MAP4: variants seen among roughly 807,000 people sequenced by gnomAD.
MAP4 encodes microtubule associated protein 4.
Under a neutral mutation model 170.2 loss-of-function variants are expected in MAP4, and 76 were observed. That is an observed-to-expected ratio of 0.45 (90% CI 0.37 to 0.54). The LOEUF (loss-of-function observed/expected upper bound fraction) is 0.54. Ranked by LOEUF, MAP4 falls within the 20% of genes least tolerant of loss-of-function variation. The probability of loss-of-function intolerance (pLI) is 0.00; values close to 1 mark genes in which losing one functional copy is unlikely to be tolerated. For synonymous variants in MAP4, 909 were observed against 994.5 expected (o/e 0.91, Z 1.62); for missense variants, 2,506 against 2,748.0 (o/e 0.91, Z 1.97).
rs548681084 is a variant in MAP4 at position 48,084,386 on chromosome 3, TA to T, written c.-20+4386del. On this transcript the variant is annotated intron_variant, in intron 1 of 18. Coordinates refer to the MAP4 transcript ENST00000360240. ...TGCTGACAGAACATGATCTCATCTC[TA>T]AAAAAAAAAAAAAAAAAGGAAAAAG... Among the ~76,000 whole-genome samples the T allele has an allele frequency of 8.8e-3, 914 of 104,354 alleles. 2 individuals carry two copies. The highest frequency in any genetic ancestry group is 0.02 in the African/African-American group (557 of 28,160). The allele number at this position is 104,354 out of a possible 152,430, so 68.5% of individuals were successfully genotyped here.
chr3:48,074,490 A>T (rs1202653448), intron 1 of MAP4, among the ~76,000 whole-genome samples: 2 of 11,024 alleles, frequency 1.8e-4, no homozygotes, highest in Non-Finnish European at 3.1e-4. Flanking sequence ...AAAATACATT[A>T]TATATATATA....
rs2153600888 is a variant in MAP4, at chr3:47,916,152, C to A, written c.1675G>T (p.Ala559Ser). 1 of 1,614,138 alleles carries A rather than the reference C, an allele frequency of 6.2e-7. No individual in the cohort carries two copies. ...VPALKTEAPL[A>S]KDGVLTLANN... The stretch of plus-strand genomic sequence containing the variant: ...GCCAGGGTCAGAACCCCATCCTTAG[C>A]CAGGGGTGCTTCTGTTTTGAGGGCT... The change falls in exon 7 of 21, where the codon GCT becomes TCT. Residue 559 changes from alanine to serine, a missense_variant. Around this residue, in one of 3 missense-constraint regions of MAP4, gnomAD observed 2,008 missense variants for 2,206.0 expected, o/e 0.91. Transcript: ENST00000683076.
intron 3 of MAP4, chr3:47,974,255 G>A (rs1406449681): frequency 2.9e-5 from 11 of 376,982 alleles, no homozygotes; most frequent in African/African-American, 1.1e-4. Flanking sequence ...GTAAAACCCC[G>A]TCTCTACTAA....
At chr3:48,082,920 C>T (rs543017513) in intron 1 of MAP4, among the ~76,000 whole-genome samples, 3 of 152,066 alleles carry the variant, frequency 2.0e-5, no homozygotes, top group African/African-American at 4.8e-5. Flanking sequence ...AATGCATAAC[C>T]TCGGGCTAAT....
chr3:47,918,942 T>C, intron 5 of MAP4, 101 bp from the exon 6 acceptor site: 1 of 1,046,046 alleles, frequency 9.6e-7, no homozygotes, highest in Non-Finnish European at 1.4e-6. Context: ...GTTTGTTTTT[T>C]TTTTGAGACA....
chr3:48,074,065 C>T (rs906793455), intron 1 of MAP4, among the ~76,000 whole-genome samples: 1 of 152,026 alleles, frequency 6.6e-6, no homozygotes, highest in Admixed American at 6.6e-5. Flanking sequence ...ACCCAAATGT[C>T]CATCAATGAT....
rs1387504410 is a variant in MAP4, at chr3:48,046,820, C to T, written c.-20+41953G>A. Among the ~76,000 whole-genome samples, 4 of 152,268 alleles carry T rather than the reference C, an allele frequency of 2.6e-5. No individual in the cohort carries two copies. In the South Asian group the frequency reaches 8.3e-4, roughly 32 times the overall value. ...CTATAAAATAAAAATGTTAGCCGGGCGCGGTGGCTCACGCCTGTAATCCCA... is the reference window on the plus strand; with the variant it reads ...CTATAAAATAAAAATGTTAGCCGGGTGCGGTGGCTCACGCCTGTAATCCCA... On this transcript the variant is annotated intron_variant, in intron 1 of 18. Transcript: ENST00000360240.
At chr3:47,980,475 C>T (rs1421793963) in intron 2 of MAP4, among the ~76,000 whole-genome samples, 1 of 152,146 alleles carries the variant, frequency 6.6e-6, no homozygotes, top group Non-Finnish European at 1.5e-5. Flanking sequence ...ACCCCTTAGT[C>T]CTCATAAATA....
chr3:47,998,619 G>A lies in MAP4; in HGVS notation c.223+19C>T. On this transcript the variant is annotated intron_variant, in intron 2 of 20. Coordinates refer to ENST00000683076, the MANE Select transcript of MAP4 (RefSeq NM_001385682.1). Reference sequence around the variant, plus strand: ...CCTGCTTTCTGAACATATATAAGCAGTCTGGTTTAAATACTTACCTTCAAT... The same window carrying A: ...CCTGCTTTCTGAACATATATAAGCAATCTGGTTTAAATACTTACCTTCAAT... 1.9e-6 allele frequency: 3 copies of A among 1,583,346 alleles called. No individual in the cohort carries two copies. Among genetic ancestry groups the A allele is most frequent in the Non-Finnish European group, 2.6e-6 (3 of 1,152,352 alleles).
At chr3:48,039,782 G>C (rs916903385) in intron 1 of MAP4, among the ~76,000 whole-genome samples, 1 of 152,088 alleles carries the variant, frequency 6.6e-6, no homozygotes, top group Admixed American at 6.6e-5. Context: ...AACTCTTCTT[G>C]CACTAAGTTA....
intron 1 of MAP4, among the ~76,000 whole-genome samples, chr3:48,035,141 C>G (rs552269149): frequency 6.9e-6 from 1 of 145,246 alleles, no homozygotes; most frequent in East Asian, 2.0e-4. Context: ...AAAAAGCAAA[C>G]TTCATATTAC....
chr3:47,928,368 A>G lies in MAP4; in HGVS notation c.293-18T>C. Reference sequence around the variant, plus strand: ...TGGAGACCCTTAAAATAGAGACACAAAACAAAAGTTACAAGATATTACAGT... The same window carrying G: ...TGGAGACCCTTAAAATAGAGACACAGAACAAAAGTTACAAGATATTACAGT... On this transcript the variant is annotated intron_variant, in intron 3 of 20. Coordinates refer to ENST00000683076, the MANE Select transcript of MAP4 (RefSeq NM_001385682.1). 6.2e-7 allele frequency: 1 copy of G among 1,613,540 alleles called. No individual in the cohort carries two copies. Among genetic ancestry groups the G allele is most frequent in the Non-Finnish European group, 8.5e-7 (1 of 1,179,610 alleles).
At chr3:47,964,956 T>G (rs972719228) in intron 3 of MAP4, among the ~76,000 whole-genome samples, 2 of 152,208 alleles carry the variant, frequency 1.3e-5, no homozygotes, top group African/African-American at 2.4e-5. Flanking sequence ...TCTCCAGAAC[T>G]TTTTCATCTT....
Position 47,908,841 on chromosome 3 carries a change from C to A in MAP4, c.5383+197G>T, listed in dbSNP as rs143351634. ...GTAAAAAAGGCATGCAACCAAGTTA[C>A]CAGCCTCCTCAAGCAGGACACAAGG... is the stretch of plus-strand genomic sequence containing the variant. On this transcript the variant is annotated intron_variant, in intron 9 of 20. Transcript: ENST00000683076. 2.0e-4 allele frequency among the ~76,000 whole-genome samples: 30 copies of A among 152,250 alleles called. No individual in the cohort carries two copies. The East Asian group carries it at 5.8e-3, about 29-fold the overall frequency.
intron 1 of MAP4, among the ~76,000 whole-genome samples, chr3:48,050,568 T>C (rs113262951): frequency 4.0e-5 from 6 of 151,686 alleles, no homozygotes; most frequent in African/African-American, 1.5e-4. Context: ...CTGTATTATC[T>C]GATTTTCTTA....
At chr3:48,081,669 T>C (rs915277316) in intron 1 of MAP4, among the ~76,000 whole-genome samples, 10 of 152,140 alleles carry the variant, frequency 6.6e-5, no homozygotes, top group Admixed American at 3.9e-4. Flanking sequence ...TATAAACTCA[T>C]GTTTATATTT....
chr3:47,917,145 T>C lies in MAP4; in HGVS notation c.682A>G (p.Met228Val), dbSNP rs1270724546. ...VPLELAKEIE[M>V]ASEERPPAQA... The stretch of plus-strand genomic sequence containing the variant: ...GCTGGTGGCCTCTCTTCTGATGCCA[T>C]TTCTATCTCCTTGGCTAGCTCTAAG... The change falls in exon 7 of 21, where the codon ATG (methionine) becomes GTG (valine). Residue 228 changes from methionine to valine, a missense_variant. Physicochemically the swap from Met to Val is conservative, Grantham distance 21 (BLOSUM62 1). Transcript: ENST00000683076. 1.2e-6 allele frequency: 2 copies of C among 1,613,884 alleles called. No homozygotes were observed. Among genetic ancestry groups the C allele is most frequent in the Non-Finnish European group, 1.7e-6 (2 of 1,179,762 alleles).
chr3:48,061,482 G>A (rs1051227389), intron 1 of MAP4, among the ~76,000 whole-genome samples: 30 of 152,236 alleles, frequency 2.0e-4, no homozygotes, highest in Middle Eastern at 3.4e-3. Flanking sequence ...ATGGAGTCTC[G>A]TTCACTCAGT....
chr3:47,852,654 G>T lies in MAP4; in HGVS notation c.*280C>A. ...GAGCAGTGGCGCAGTGATGGGGCAA[G>T]ACCAAAGCAGGGAGATGGGCCCAGG... On this transcript the variant is annotated 3_prime_UTR_variant, in exon 21 of 21. Coordinates refer to ENST00000683076, the MANE Select transcript of MAP4 (RefSeq NM_001385682.1). 8.0e-7 allele frequency: 1 copy of T among 1,248,016 alleles called. No homozygotes were observed. The allele number at this position is 1,248,016 out of a possible 1,614,324, so 77.3% of individuals were successfully genotyped here.
Sources: gnomAD v4.1 joint callset for allele counts (sites outside exome capture counted in the v4.1 genomes callset) on GRCh38, gnomAD v4.1.1 for gene constraint, gnomAD v4.1.1 regional missense constraint, MANE v1.5 for transcripts, NCBI Gene and HGNC (gene_info 2026-07-23, HGNC 2026-07-21) for gene names.